IPPK: variants seen among roughly 807,000 people sequenced by gnomAD.
IPPK encodes the protein IPK1 homolog.
A neutral mutation model predicts 64.6 loss-of-function variants in IPPK; 22 were observed. The observed-to-expected ratio is 0.34, with a 90% CI of 0.24 to 0.49. The LOEUF (loss-of-function observed/expected upper bound fraction) is 0.49, where lower values mean the gene tolerates loss of function less well. Among genes scored for constraint, IPPK ranks in the 20% least tolerant of loss-of-function variants. IPPK has a pLI of 0.99. For missense variants in IPPK, 532 were observed against 630.7 expected (o/e 0.84, Z 1.68); for synonymous variants, 262 against 247.2 (o/e 1.06, Z -0.56).
chr9:92,646,967 A>G (rs1852162525), intron 6 of IPPK, among the ~76,000 whole-genome samples: 1 of 152,246 alleles, frequency 6.6e-6, no homozygotes, highest in South Asian at 2.1e-4. Context: ...AACAGTAAAG[A>G]TTAAAGTGAA....
At chr9:92,630,089 A>AC (rs992747860) in intron 11 of IPPK, among the ~76,000 whole-genome samples, 1 of 152,200 alleles carries the variant, frequency 6.6e-6, no homozygotes, top group African/African-American at 2.4e-5. Flanking sequence ...AAAACCCTGT[A>AC]CCCAAATATT....
intron 1 of IPPK, among the ~76,000 whole-genome samples, chr9:92,664,816 C>T (rs1013625205): frequency 2.0e-5 from 3 of 152,174 alleles, no homozygotes; most frequent in Admixed American, 6.5e-5. Context: ...CCTCCTGGAT[C>T]GCAGCTCTCA....
At position 92,656,510 on chromosome 9, in the gene IPPK, G is replaced by A; in HGVS notation, c.171C>T (p.Asp57=). ...ACTCCTTCATGACATTTTTCCCAAAGTCCACTATGTTCTGCAGGTGTTGAA... is the reference window on the plus strand; with the variant it reads ...ACTCCTTCATGACATTTTTCCCAAAATCCACTATGTTCTGCAGGTGTTGAA... The part of the protein sequence containing the change: ...EIFQHLQNIV[D]FGKNVMKEFL... Residue 57 remains aspartate, a synonymous_variant, in exon 3 of 13, where the codon GAC becomes GAT. Coordinates refer to ENST00000287996, the MANE Select transcript of IPPK (RefSeq NM_022755.6). 6.2e-7 allele frequency: 1 copy of A among 1,613,728 alleles called. No individual in the cohort carries two copies. Among genetic ancestry groups the A allele is most frequent in the Non-Finnish European group, 8.5e-7 (1 of 1,179,638 alleles).
At chr9:92,631,238 CAGGCTGGAGTGCAGTGGTGCA>C (rs1387471971) in intron 11 of IPPK, among the ~76,000 whole-genome samples, 2 of 150,272 alleles carry the variant, frequency 1.3e-5, no homozygotes, top group African/African-American at 4.9e-5. Context: ...CTCTGTCACC[CAGGCTGGAGTGCAGTGGTGCA>C]ATCTTGGCTC....
chr9:92,615,033 TGCCCA>T lies in IPPK; in HGVS notation c.*794_*798del, dbSNP rs1470716979. 6.6e-6 allele frequency: 1 copy of T among 152,278 alleles called. No homozygotes were observed. The highest frequency in any genetic ancestry group is 1.5e-5 in the Non-Finnish European group (1 of 68,080). 9.4% of individuals were successfully genotyped at this position (152,278 alleles called of 1,614,324 possible). A position where few individuals can be genotyped will look rare whatever the true frequency, so the allele number is the denominator to read the frequency against. On this transcript the variant is annotated 3_prime_UTR_variant, in exon 13 of 13. Transcript: ENST00000287996. ...AAAGCACTGAGCTGTTGGGGCACAC[TGCCCA>T]GCCCGGCCACAGCAGCTCAGCCAGT... is the stretch of plus-strand genomic sequence containing the variant.
In IPPK at chr9:92,635,366, A is replaced by G. The variant is rs1258028869; in HGVS notation, c.917-58T>C. On this transcript the variant is annotated intron_variant, in intron 9 of 12. Transcript: ENST00000287996. This position sits in a 1 kb window ranked among gnomAD's most constrained non-coding sequence, Gnocchi z 4.4. ...GTTGATTATCAAAGAACGTGGAGGGAGACACAGGCCGGCGCAGACCGCAGG... is the reference window on the plus strand; with the variant it reads ...GTTGATTATCAAAGAACGTGGAGGGGGACACAGGCCGGCGCAGACCGCAGG... 1 of 1,570,698 alleles carries G rather than the reference A, an allele frequency of 6.4e-7. No homozygotes were observed. The highest frequency in any genetic ancestry group is 8.7e-7 in the Non-Finnish European group (1 of 1,154,132).
rs187034762 is a variant in IPPK at position 92,639,155 on chromosome 9, C to A, written c.637-875G>T. On this transcript the variant is annotated intron_variant, in intron 8 of 12. Transcript: ENST00000287996. ...CCTTCAACTCCCAGGCTCAAGCAAT[C>A]CTTCCACCTCAGGCTCCCAAGTAGC... 3.3e-4 allele frequency among the ~76,000 whole-genome samples: 51 copies of A among 152,292 alleles called. No individual in the cohort carries two copies. In the East Asian group the frequency reaches 9.3e-3, roughly 28 times the overall value.
chr9:92,615,874 G>A lies in IPPK; in HGVS notation c.1434C>T (p.Phe478=), dbSNP rs1471694606. The A allele has an allele frequency of 6.2e-7, 1 of 1,613,992 alleles. No individual in the cohort carries two copies. Among genetic ancestry groups the A allele is most frequent in the African/African-American group, 1.3e-5 (1 of 74,904 alleles). ...CTAATGTGCAATCTTCGCTTTCCTT[G>A]AACCGAGTCGACATCACGGCGTTGT... The part of the protein sequence containing the change: ...AKDNAVMSTR[F]KESEDCTLVL... The change falls in exon 13 of 13, where the codon TTC becomes TTT. Residue 478 remains phenylalanine (F), a synonymous_variant. Coordinates refer to ENST00000287996, the MANE Select transcript of IPPK (RefSeq NM_022755.6).
chr9:92,660,436 T>C lies in IPPK; in HGVS notation c.82-1755A>G, dbSNP rs183740533. Among the ~76,000 whole-genome samples the C allele has an allele frequency of 2.6e-4, 40 of 152,278 alleles. No individual in the cohort carries two copies. In the East Asian group the frequency reaches 4.8e-3, roughly 18 times the overall value. ...CCCCGCCACCCACAGGGGCCAAGCT[T>C]ACTCACCTGCCAGACTGCATGCACA... On this transcript the variant is annotated intron_variant, in intron 1 of 12. Coordinates refer to ENST00000287996, the MANE Select transcript of IPPK (RefSeq NM_022755.6).
At chr9:92,622,400 A>G (rs1172443673) in intron 11 of IPPK, among the ~76,000 whole-genome samples, 4 of 152,192 alleles carry the variant, frequency 2.6e-5, no homozygotes, top group Non-Finnish European at 5.9e-5. Context: ...GAAAATCCAA[A>G]AGAAACTATA....
In IPPK at chr9:92,635,195, G is replaced by A. The variant is rs1345792879; in HGVS notation, c.1030C>T (p.Arg344Trp). 1.9e-6 allele frequency: 3 copies of A among 1,613,950 alleles called. No homozygotes were observed. The highest frequency in any genetic ancestry group is 1.1e-5 in the South Asian group (1 of 91,078). The change falls in exon 10 of 13, where the codon CGG (arginine) becomes TGG (tryptophan). Residue 344 changes from arginine to tryptophan, a missense_variant. Transcript: ENST00000287996. The surrounding 1 kb of genome is among the most constrained non-coding windows in gnomAD (Gnocchi z 4.4). ...AACTCTTCCAGGTATCGCTCAACCC[G>A]GTTGTACAGAGGGTAGAGGCCTTCG... is the stretch of plus-strand genomic sequence containing the variant. The part of the protein sequence containing the change: ...DIEGLYPLYN[R>W]VERYLEEFPE...
chr9:92,669,452 G>C (rs563828132), intron 1 of IPPK, among the ~76,000 whole-genome samples: 114 of 152,354 alleles, frequency 7.5e-4, no homozygotes, highest in Non-Finnish European at 1.3e-3. Context: ...GGTGCTGAGA[G>C]TAACAGCACT....
At chr9:92,664,686 A>G (rs1852557811) in intron 1 of IPPK, among the ~76,000 whole-genome samples, 1 of 152,250 alleles carries the variant, frequency 6.6e-6, no homozygotes, top group Admixed American at 6.5e-5. Context: ...TGAGGGCCAC[A>G]GGGAACTGTG....
chr9:92,633,149 T>C (rs1851876123), intron 11 of IPPK, among the ~76,000 whole-genome samples: 1 of 151,818 alleles, frequency 6.6e-6, no homozygotes, highest in African/African-American at 2.4e-5. Flanking sequence ...TAGTTGGGAC[T>C]ACAGACGCCT....
chr9:92,640,980 G>A (rs1852034973), intron 7 of IPPK, among the ~76,000 whole-genome samples, 198 bp from the exon 8 acceptor site: 1 of 152,158 alleles, frequency 6.6e-6, no homozygotes, highest in South Asian at 2.1e-4. Context: ...GAGGGTCACA[G>A]ATGCAGCTCC....
At chr9:92,640,479 G>A (rs1852025467) in intron 8 of IPPK, among the ~76,000 whole-genome samples, 2 of 152,128 alleles carry the variant, frequency 1.3e-5, no homozygotes, top group Non-Finnish European at 2.9e-5. Context: ...AGCAACCCAG[G>A]GTCACTCAGA....
At chr9:92,629,905 G>A (rs1175230180) in intron 11 of IPPK, among the ~76,000 whole-genome samples, 1 of 152,066 alleles carries the variant, frequency 6.6e-6, no homozygotes, top group Admixed American at 6.6e-5. Context: ...GCTGAAGATG[G>A]GAAAAAAATA....
At position 92,639,468 on chromosome 9, in the gene IPPK, C is replaced by T. The variant is rs947294523; in HGVS notation, c.637-1188G>A. Among the ~76,000 whole-genome samples the T allele has an allele frequency of 4.6e-5, 7 of 152,176 alleles. No homozygotes were observed. In the South Asian group the frequency reaches 1.4e-3, roughly 32 times the overall value. ...AGTAGGTAACATGCCTTGGCGGTGC[C>T]CTGTTATCTTAAAATCATTCTGCAT... On this transcript the variant is annotated intron_variant, in intron 8 of 12. Transcript: ENST00000287996.
At chr9:92,621,787 G>A (rs1851640583) in intron 11 of IPPK, among the ~76,000 whole-genome samples, 1 of 152,102 alleles carries the variant, frequency 6.6e-6, no homozygotes, top group African/African-American at 2.4e-5. Context: ...AAAGTGTTGG[G>A]ATTACAGGTG....
Sources: gnomAD v4.1 joint callset for allele counts (sites outside exome capture counted in the v4.1 genomes callset) on GRCh38, gnomAD v4.1.1 for gene constraint, Gnocchi (gnomAD v3.1) non-coding constraint, MANE v1.5 for transcripts, NCBI Gene and HGNC (gene_info 2026-07-23, HGNC 2026-07-21) for gene names.